GOLM2: variants seen among roughly 807,000 people sequenced by gnomAD.
GOLM2 encodes the protein golgi membrane protein 2.
GOLM2 carries 26 observed loss-of-function variants against 55.9 expected under a neutral mutation model. That is an observed-to-expected ratio of 0.47 (90% CI 0.34 to 0.65). GOLM2 has a LOEUF of 0.65. Among genes scored for constraint, GOLM2 ranks in the 30% least tolerant of loss-of-function variants. The pLI, the probability that GOLM2 is intolerant of heterozygous loss-of-function variation, is 0.01. For missense variants in GOLM2, 486 were observed against 531.8 expected (o/e 0.91, Z 0.85); for synonymous variants, 165 against 194.6 (o/e 0.85, Z 1.27).
At chr15:44,379,331 C>A (rs1472716346) in intron 6 of GOLM2, among the ~76,000 whole-genome samples, 1 of 151,958 alleles carries the variant, frequency 6.6e-6, no homozygotes, top group Admixed American at 6.6e-5. Context: ...AAAAAACTTA[C>A]CCGGGCGTGG....
chr15:44,368,565 TAA>T (rs764349294), intron 6 of GOLM2, among the ~76,000 whole-genome samples: 1 of 152,014 alleles, frequency 6.6e-6, no homozygotes. Context: ...AGTCTGCTGT[TAA>T]GCCCAGTCAG....
At chr15:44,290,669 C>T (rs1242318879) in intron 1 of GOLM2, among the ~76,000 whole-genome samples, 1 of 152,188 alleles carries the variant, frequency 6.6e-6, no homozygotes, top group African/African-American at 2.4e-5. Flanking sequence ...AAAGTAAGGT[C>T]TTCCTACTTG....
intron 2 of GOLM2, among the ~76,000 whole-genome samples, chr15:44,327,594 G>A (rs1406576724): frequency 1.5e-5 from 2 of 133,026 alleles, no homozygotes; most frequent in African/African-American, 6.8e-5. Context: ...ATAGGCCCCT[G>A]TTTTCATTTC....
intron 9 of GOLM2, among the ~76,000 whole-genome samples, chr15:44,404,311 T>G (rs2079584088): frequency 6.6e-6 from 1 of 152,128 alleles, no homozygotes; most frequent in Non-Finnish European, 1.5e-5. Context: ...TTCTAGAAAA[T>G]TATATGGTTT....
intron 6 of GOLM2, among the ~76,000 whole-genome samples, chr15:44,353,549 G>A (rs763978085): frequency 5.3e-5 from 8 of 152,148 alleles, no homozygotes; most frequent in Non-Finnish European, 8.8e-5. Context: ...AGCAGATGAT[G>A]GATAAGGAAA....
intron 1 of GOLM2, among the ~76,000 whole-genome samples, chr15:44,306,390 T>C (rs930557590): frequency 9.2e-5 from 14 of 152,160 alleles, no homozygotes; most frequent in African/African-American, 3.1e-4. Context: ...CTTCATAGAA[T>C]TGAAGAGAGT....
intron 6 of GOLM2, among the ~76,000 whole-genome samples, chr15:44,362,401 G>A (rs1360621349): frequency 9.9e-5 from 15 of 150,858 alleles, no homozygotes; most frequent in Admixed American, 9.9e-4. Flanking sequence ...ACCAATAACA[G>A]ACAAACAGAG....
chr15:44,411,998 T>A (rs1042694848), intron 9 of GOLM2, among the ~76,000 whole-genome samples: 2 of 152,204 alleles, frequency 1.3e-5, no homozygotes, highest in South Asian at 4.2e-4. Flanking sequence ...AAACCCTGTC[T>A]TTACAAAAAA....
chr15:44,334,006 C>G (rs533339019), intron 4 of GOLM2, among the ~76,000 whole-genome samples: 1 of 152,142 alleles, frequency 6.6e-6, no homozygotes, highest in African/African-American at 2.4e-5. Flanking sequence ...TGAGGCACCA[C>G]GCCCGGCCGC....
At chr15:44,328,392 C>A (rs2078998882) in intron 2 of GOLM2, among the ~76,000 whole-genome samples, 1 of 152,122 alleles carries the variant, frequency 6.6e-6, no homozygotes, top group Admixed American at 6.5e-5. Flanking sequence ...GTGAGAGAAT[C>A]ACTTGAGCTC....
intron 6 of GOLM2, among the ~76,000 whole-genome samples, chr15:44,369,114 T>C (rs1293646236): frequency 4.0e-5 from 4 of 100,538 alleles, no homozygotes; most frequent in East Asian, 2.9e-4. Flanking sequence ...TATATATATA[T>C]ATACCCGGCT....
rs878960875 is a variant in GOLM2, at chr15:44,413,810, CT to C, written c.*421del. On this transcript the variant is annotated 3_prime_UTR_variant, in exon 10 of 10. Coordinates refer to ENST00000299957, the MANE Select transcript of GOLM2 (RefSeq NM_138423.4). ...GCAGAAAACTTTTTATACTCTAATTCTTTTTTTTTTTTTTTTTGAGACAGAG... is the reference window on the plus strand; with the variant it reads ...GCAGAAAACTTTTTATACTCTAATTCTTTTTTTTTTTTTTTTGAGACAGAG... 9.5e-3 allele frequency: 1,298 copies of C among 136,888 alleles called. 9 individuals carry two copies. Among genetic ancestry groups the C allele is most frequent in the South Asian group, 0.023 (98 of 4,274 alleles). 8.5% of individuals were successfully genotyped at this position (136,888 alleles called of 1,614,324 possible).
chr15:44,397,535 A>G (rs960735644), intron 8 of GOLM2, among the ~76,000 whole-genome samples: 4 of 150,580 alleles, frequency 2.7e-5, no homozygotes, highest in African/African-American at 9.8e-5. Flanking sequence ...CACACACATC[A>G]TAGATTTATA....
intron 8 of GOLM2, among the ~76,000 whole-genome samples, chr15:44,398,855 A>G (rs994695769): frequency 6.6e-6 from 1 of 151,790 alleles, no homozygotes; most frequent in South Asian, 2.1e-4. Flanking sequence ...TTTAATAAAG[A>G]TGGGGTTTCT....
intron 8 of GOLM2, among the ~76,000 whole-genome samples, chr15:44,389,453 G>T (rs1233899270): frequency 6.6e-6 from 1 of 151,992 alleles, no homozygotes; most frequent in Non-Finnish European, 1.5e-5. Flanking sequence ...GCTTCAATCT[G>T]GGAAGCAGAG....
At chr15:44,316,178 A>G (rs748135227) in intron 1 of GOLM2, among the ~76,000 whole-genome samples, 14 of 152,232 alleles carry the variant, frequency 9.2e-5, no homozygotes, top group African/African-American at 2.7e-4. Context: ...AACAGCAGGG[A>G]CGTTTTGGCA....
intron 4 of GOLM2, among the ~76,000 whole-genome samples, chr15:44,333,221 C>G (rs1040918482): frequency 6.6e-6 from 1 of 152,274 alleles, no homozygotes. Flanking sequence ...CATGAGCCAC[C>G]GCGCACAGCC....
At position 44,328,664 on chromosome 15, in the gene GOLM2, GTTC is replaced by G; in HGVS notation, c.383-18_383-16del. 6.3e-7 allele frequency: 1 copy of G among 1,576,242 alleles called. No individual in the cohort carries two copies. Among genetic ancestry groups the G allele is most frequent in the Non-Finnish European group, 8.7e-7 (1 of 1,152,864 alleles). Reference sequence around the variant, plus strand: ...ACAATGAGTGAACTTGATTCCTTTGGTTCTTACCTTGGGTGGATAGAGCAACTT... The same window carrying G: ...ACAATGAGTGAACTTGATTCCTTTGGTTACCTTGGGTGGATAGAGCAACTT... On this transcript the variant is annotated intron_variant, in intron 2 of 9. Coordinates refer to ENST00000299957, the MANE Select transcript of GOLM2 (RefSeq NM_138423.4).
At chr15:44,395,770 G>A (rs907936231) in intron 8 of GOLM2, among the ~76,000 whole-genome samples, 1 of 151,828 alleles carries the variant, frequency 6.6e-6, no homozygotes, top group African/African-American at 2.4e-5. Context: ...AACCCAGGAG[G>A]CAGAAGTTGC....
Sources: allele counts gnomAD v4.1 joint callset (sites outside exome capture counted in the v4.1 genomes callset), GRCh38; gene constraint gnomAD v4.1.1; transcripts MANE v1.5; gene names NCBI Gene and HGNC (gene_info 2026-07-23, HGNC 2026-07-21).